The following RPIA variants were observed in gnomAD, a reference collection of about 807,000 sequenced individuals.
The protein encoded by RPIA is ribose 5-phosphate isomerase A.
Under a neutral mutation model 37.8 loss-of-function variants are expected in RPIA, and 29 were observed. The observed-to-expected ratio is 0.77, with a 90% CI of 0.57 to 1.05. The LOEUF (loss-of-function observed/expected upper bound fraction) is 1.05, where lower values mean the gene tolerates loss of function less well. RPIA is among the 50% of genes least tolerant of loss of function. RPIA has a pLI of 0.00. For missense variants in RPIA, 385 were observed against 413.6 expected (o/e 0.93, Z 0.60); for synonymous variants, 167 against 157.0 (o/e 1.06, Z -0.48).
intron 3 of RPIA, among the ~76,000 whole-genome samples, chr2:88,725,328 A>G (rs572126346): frequency 6.6e-6 from 1 of 151,168 alleles, no homozygotes; most frequent in East Asian, 1.9e-4. Flanking sequence ...ACAAGGTTCC[A>G]CAGACTGAAT....
intron 1 of RPIA, among the ~76,000 whole-genome samples, chr2:88,697,005 C>T (rs1368273098): frequency 6.6e-6 from 1 of 152,184 alleles, no homozygotes; most frequent in Non-Finnish European, 1.5e-5. Context: ...GTAAAAAAAT[C>T]TTAAAATGAA....
chr2:88,743,793 A>G (rs1673409801), intron 8 of RPIA, among the ~76,000 whole-genome samples: 1 of 151,990 alleles, frequency 6.6e-6, no homozygotes, highest in Non-Finnish European at 1.5e-5. Context: ...TTTCTAGTTC[A>G]TGCACATACA....
chr2:88,726,503 A>G (rs938438195), intron 3 of RPIA, among the ~76,000 whole-genome samples: 2 of 152,184 alleles, frequency 1.3e-5, no homozygotes, highest in African/African-American at 4.8e-5. Context: ...TCATTTGTAT[A>G]AGAATAGAGA....
intron 3 of RPIA, among the ~76,000 whole-genome samples, chr2:88,710,112 T>C (rs1013827128): frequency 6.6e-6 from 1 of 152,150 alleles, no homozygotes; most frequent in Non-Finnish European, 1.5e-5. Flanking sequence ...AGTGGCATGA[T>C]CACAGCTCAC....
chr2:88,734,613 G>T lies in RPIA; in HGVS notation c.524G>T (p.Gly175Val). ...GCTGATCTCAATCTCATCAAGGGTG[G>T]CGGGTGAGTGTTGTGGGGGCTTCTG... ...VDADLNLIKG[G>V]GGCLTQEKIV... is the part of the protein sequence containing the mutation. Residue 175 changes from glycine to valine, a missense_variant, in exon 5 of 9, where the codon GGC becomes GTC. Coordinates refer to ENST00000283646, the MANE Select transcript of RPIA (RefSeq NM_144563.3). The T allele has an allele frequency of 6.2e-7, 1 of 1,614,198 alleles. No homozygotes were observed. The highest frequency in any genetic ancestry group is 8.5e-7 in the Non-Finnish European group (1 of 1,180,016).
At chr2:88,693,579 G>T (rs138792303) in intron 1 of RPIA, among the ~76,000 whole-genome samples, 1 of 152,300 alleles carries the variant, frequency 6.6e-6, no homozygotes, top group Non-Finnish European at 1.5e-5. Flanking sequence ...CTGTGTGTTC[G>T]TTTCTTCCAG....
intron 8 of RPIA, among the ~76,000 whole-genome samples, chr2:88,739,502 A>T (rs1250203653): frequency 2.6e-5 from 4 of 152,216 alleles, no homozygotes; most frequent in Non-Finnish European, 5.9e-5. Context: ...AAAGAAAGGT[A>T]CTATTGTTAT....
chr2:88,726,729 T>A (rs1673201666), intron 3 of RPIA, among the ~76,000 whole-genome samples: 1 of 152,176 alleles, frequency 6.6e-6, no homozygotes, highest in African/African-American at 2.4e-5. Flanking sequence ...CCTTATCAGT[T>A]AGCAGTGTGG....
intron 3 of RPIA, among the ~76,000 whole-genome samples, chr2:88,714,233 C>T (rs984802789): frequency 2.6e-5 from 4 of 151,698 alleles, no homozygotes; most frequent in East Asian, 1.9e-4. Context: ...TGCAGTGGCG[C>T]GATCTGGGCT....
chr2:88,723,706 A>G (rs1446767545), intron 3 of RPIA, among the ~76,000 whole-genome samples: 1 of 152,142 alleles, frequency 6.6e-6, no homozygotes, highest in Non-Finnish European at 1.5e-5. Context: ...GTTTCAGGTA[A>G]TTTAGAAAGT....
chr2:88,693,930 C>T (rs1429619167), intron 1 of RPIA, among the ~76,000 whole-genome samples: 1 of 152,252 alleles, frequency 6.6e-6, no homozygotes, highest in African/African-American at 2.4e-5. Context: ...CTAGGCTCTT[C>T]TGAATGTCTG....
At chr2:88,709,014 C>CT (rs1672931474) in intron 3 of RPIA, among the ~76,000 whole-genome samples, 1 of 152,182 alleles carries the variant, frequency 6.6e-6, no homozygotes, top group Admixed American at 6.5e-5. Flanking sequence ...CCTGGGCCTC[C>CT]CAAAGTGCTG....
At position 88,727,091 on chromosome 2, in the gene RPIA, GTGTGTGCGCGCGCA is replaced by G. The variant is rs1184811944; in HGVS notation, c.403-2176_403-2163del. On this transcript the variant is annotated intron_variant, in intron 3 of 8. Coordinates refer to ENST00000283646, the MANE Select transcript of RPIA (RefSeq NM_144563.3). ...ATATCTCTTGTGTGCGTGCGTGTGT[GTGTGTGCGCGCGCA>G]TGTGTGCGCGTGCATGTGTGCGCAT... Among the ~76,000 whole-genome samples, 78 of 152,222 alleles carry G rather than the reference GTGTGTGCGCGCGCA, an allele frequency of 5.1e-4. 1 individual carries two copies. Among genetic ancestry groups the G allele is most frequent in the South Asian group, 2.1e-3 (10 of 4,816 alleles).
At chr2:88,698,959 G>A (rs1489697099) in intron 2 of RPIA, among the ~76,000 whole-genome samples, 1 of 152,210 alleles carries the variant, frequency 6.6e-6, no homozygotes, top group East Asian at 1.9e-4. Context: ...GCCATTGATG[G>A]CTGGTTCCTG....
intron 3 of RPIA, among the ~76,000 whole-genome samples, chr2:88,706,021 G>A (rs1454360767): frequency 1.3e-5 from 2 of 152,086 alleles, no homozygotes; most frequent in Non-Finnish European, 2.9e-5. Flanking sequence ...ATCTCATGCT[G>A]GTCAGAATGG....
At chr2:88,703,468 C>T (rs187449543) in intron 3 of RPIA, among the ~76,000 whole-genome samples, 114 of 152,346 alleles carry the variant, frequency 7.5e-4, no homozygotes, top group Non-Finnish European at 1.4e-3. Context: ...CCTGCAGGCT[C>T]AACACCACAT....
intron 6 of RPIA, 100 bp from the exon 7 acceptor site, chr2:88,736,435 G>A: frequency 1.5e-6 from 2 of 1,300,526 alleles, no homozygotes; most frequent in Non-Finnish European, 2.2e-6. Flanking sequence ...CACTTTCCTT[G>A]CCTTCCCACC....
At chr2:88,704,444 A>G (rs544851374) in intron 3 of RPIA, among the ~76,000 whole-genome samples, 25 of 152,316 alleles carry the variant, frequency 1.6e-4, no homozygotes, top group African/African-American at 5.5e-4. Flanking sequence ...AAGATGCAAA[A>G]GCAGAAACCC....
chr2:88,705,433 G>A (rs769241308), intron 3 of RPIA, among the ~76,000 whole-genome samples: 3 of 152,082 alleles, frequency 2.0e-5, no homozygotes, highest in Admixed American at 1.3e-4. Flanking sequence ...TCTGATCTTC[G>A]ACAAACCTGA....
Sources: gnomAD v4.1 joint callset for allele counts (sites outside exome capture counted in the v4.1 genomes callset) on GRCh38, gnomAD v4.1.1 for gene constraint, MANE v1.5 for transcripts, NCBI Gene and HGNC (gene_info 2026-07-23, HGNC 2026-07-21) for gene names.